TNFSF4: variants seen among roughly 807,000 people sequenced by gnomAD.
TNFSF4 encodes TNF superfamily member 4.
TNFSF4 carries 4 observed loss-of-function variants against 7.3 expected under a neutral mutation model. The observed-to-expected ratio is 0.55, with a 90% CI of 0.27 to 1.25. The LOEUF (loss-of-function observed/expected upper bound fraction) is 1.25, where lower values mean the gene tolerates loss of function less well. TNFSF4 is among the 50% of genes most tolerant of loss of function. The probability of loss-of-function intolerance (pLI) is 0.12; values close to 1 mark genes in which losing one functional copy is unlikely to be tolerated. For synonymous variants in TNFSF4, 76 were observed against 83.7 expected, an observed-to-expected ratio of 0.91 and a Z score of 0.50; for missense variants, 181 against 208.8, an observed-to-expected ratio of 0.87 and a Z score of 0.82.
At chr1:173,375,638 A>G in the TNFSF4 span, among the ~76,000 whole-genome samples, 1 of 149,774 alleles carries the variant, frequency 6.7e-6, no homozygotes, top group African/African-American at 2.6e-5. Context: ...TGCACCAATC[A>G]GCACTCTGTA....
At chr1:173,247,185 G>A in the TNFSF4 span, among the ~76,000 whole-genome samples, 1 of 152,178 alleles carries the variant, frequency 6.6e-6, no homozygotes, top group Non-Finnish European at 1.5e-5. Context: ...ATCTGTATGG[G>A]CTGTCTCTGG....
chr1:173,292,571 A>C, the TNFSF4 span, among the ~76,000 whole-genome samples: 1 of 152,134 alleles, frequency 6.6e-6, no homozygotes, highest in East Asian at 1.9e-4. Context: ...TCCCCTTGAG[A>C]AGTGGGGAAT....
chr1:173,422,325 T>TAA, the TNFSF4 span, among the ~76,000 whole-genome samples: 1 of 16,130 alleles, frequency 6.2e-5, no homozygotes, highest in Non-Finnish European at 1.3e-4. Flanking sequence ...GTGCCCAGAG[T>TAA]GAAAAAAAAA....
the TNFSF4 span, among the ~76,000 whole-genome samples, chr1:173,269,975 C>G: frequency 6.6e-6 from 1 of 152,044 alleles, no homozygotes; most frequent in African/African-American, 2.4e-5. Flanking sequence ...ATGCCTCCAG[C>G]CTGGAAGGTT....
the TNFSF4 span, among the ~76,000 whole-genome samples, chr1:173,355,569 C>A: frequency 1.3e-5 from 2 of 152,158 alleles, no homozygotes; most frequent in South Asian, 4.2e-4. Flanking sequence ...AAGAATTTAA[C>A]AGGGCCTCCA....
chr1:173,233,738 T>G, the TNFSF4 span, among the ~76,000 whole-genome samples: 1 of 152,190 alleles, frequency 6.6e-6, no homozygotes, highest in Non-Finnish European at 1.5e-5. Flanking sequence ...AGACTATTTC[T>G]TTTTTTGAGT....
the TNFSF4 span, among the ~76,000 whole-genome samples, chr1:173,306,382 A>G: frequency 4.1e-4 from 63 of 151,854 alleles, no homozygotes; most frequent in African/African-American, 1.5e-3. Context: ...CTCTTATTCC[A>G]CCTTCTCCTT....
intron 1 of TNFSF4, among the ~76,000 whole-genome samples, chr1:173,203,218 G>A (rs921705289): frequency 3.9e-5 from 6 of 152,154 alleles, no homozygotes; most frequent in African/African-American, 9.7e-5. Flanking sequence ...AAGTGGTCAC[G>A]AATGGTTCAC....
At chr1:173,341,234 T>A in the TNFSF4 span, among the ~76,000 whole-genome samples, 1 of 152,126 alleles carries the variant, frequency 6.6e-6, no homozygotes, top group Non-Finnish European at 1.5e-5. Flanking sequence ...ATAATACACT[T>A]GGCAAACAGA....
the TNFSF4 span, among the ~76,000 whole-genome samples, chr1:173,388,461 C>A: frequency 6.6e-6 from 1 of 152,182 alleles, no homozygotes; most frequent in Non-Finnish European, 1.5e-5. Context: ...GTTCCCAAGA[C>A]CCTTTCCATG....
the TNFSF4 span, among the ~76,000 whole-genome samples, chr1:173,321,205 C>G: frequency 1.3e-5 from 2 of 152,112 alleles, no homozygotes; most frequent in Non-Finnish European, 2.9e-5. Context: ...CTTTGACAAA[C>G]CTGTCAGAAA....
chr1:173,382,522 T>C, the TNFSF4 span, among the ~76,000 whole-genome samples: 48 of 152,222 alleles, frequency 3.2e-4, 1 homozygote, highest in Non-Finnish European at 6.2e-4. Context: ...TGTATACCTA[T>C]GTAACAAACC....
At chr1:173,379,835 T>G in the TNFSF4 span, among the ~76,000 whole-genome samples, 2 of 152,172 alleles carry the variant, frequency 1.3e-5, no homozygotes, top group African/African-American at 4.8e-5. Flanking sequence ...GACTGTCCAA[T>G]GAGAAACAAG....
At chr1:173,260,000 G>C in the TNFSF4 span, among the ~76,000 whole-genome samples, 1 of 152,082 alleles carries the variant, frequency 6.6e-6, no homozygotes, top group Non-Finnish European at 1.5e-5. Context: ...ACCCCACTAA[G>C]ATACTCCATG....
At chr1:173,420,560 A>G in the TNFSF4 span, among the ~76,000 whole-genome samples, 1 of 152,242 alleles carries the variant, frequency 6.6e-6, no homozygotes, top group East Asian at 1.9e-4. Flanking sequence ...TTTCCTGGCC[A>G]GTAGACCCTA....
At chr1:173,267,354 C>A in the TNFSF4 span, among the ~76,000 whole-genome samples, 3 of 152,074 alleles carry the variant, frequency 2.0e-5, no homozygotes, top group Non-Finnish European at 4.4e-5. Flanking sequence ...CAGTGATGAA[C>A]AAAACAAAAG....
chr1:173,364,225 G>GTATATATATATATGTATATATATA, the TNFSF4 span, among the ~76,000 whole-genome samples: 1 of 143,594 alleles, frequency 7.0e-6, no homozygotes, highest in South Asian at 2.2e-4. Flanking sequence ...AGAAGACTAG[G>GTATATATATATATGTATATATATA]TATATATATA....
intron 1 of TNFSF4, among the ~76,000 whole-genome samples, chr1:173,189,618 T>C (rs569982110): frequency 6.6e-6 from 1 of 152,208 alleles, no homozygotes; most frequent in South Asian, 2.1e-4. Context: ...AAGCTCAATA[T>C]GGAACCAACT....
chr1:173,337,430 G>A, the TNFSF4 span, among the ~76,000 whole-genome samples: 152 of 152,218 alleles, frequency 1.0e-3, no homozygotes, highest in African/African-American at 3.6e-3. Context: ...GGTCCTGAAG[G>A]CACAAGTATG....
Sources: gnomAD v4.1 joint callset for allele counts (sites outside exome capture counted in the v4.1 genomes callset) on GRCh38, gnomAD v4.1.1 for gene constraint, MANE v1.5 for transcripts, NCBI Gene and HGNC (gene_info 2026-07-23, HGNC 2026-07-21) for gene names.